Variants in DISP1 observed in about 807,000 individuals in gnomAD.
The protein encoded by DISP1 is dispatched RND transporter family member 1.
In DISP1, 30 loss-of-function variants were observed where a neutral mutation model predicts 37.3. The ratio of observed to expected loss-of-function variants is 0.80; its 90% CI spans 0.60 to 1.09. The LOEUF (loss-of-function observed/expected upper bound fraction) is 1.09. Ranked by LOEUF, DISP1 falls within the 50% of genes least tolerant of loss-of-function variation. The pLI is 0.00. For synonymous variants in DISP1, 634 were observed against 690.2 expected, an observed-to-expected ratio of 0.92 and a Z score of 1.28; for missense variants, 1,598 against 1,879.5, an observed-to-expected ratio of 0.85 and a Z score of 2.77.
chr1:222,891,333 A>C (rs138809997), intron 1 of DISP1, among the ~76,000 whole-genome samples: 1 of 152,334 alleles, frequency 6.6e-6, no homozygotes, highest in Non-Finnish European at 1.5e-5. Context: ...TTTCCTACCT[A>C]TAGCTGTGAT....
At position 222,902,072 on chromosome 1, in the gene DISP1, G is replaced by A. The variant is rs553303592; in HGVS notation, c.-158-26358G>A. On this transcript the variant is annotated intron_variant, in intron 1 of 8. Transcript: ENST00000675850. ...TTTCTTCTTTATTAGTCTTGCTAGC[G>A]GTCTATCAATTTTGTTGATCTTTTC... 1.7e-4 allele frequency among the ~76,000 whole-genome samples: 26 copies of A among 150,464 alleles called. No homozygotes were observed. In the South Asian group the frequency reaches 4.5e-3, roughly 26 times the overall value.
intron 1 of DISP1, among the ~76,000 whole-genome samples, chr1:222,826,506 G>A (rs1292639301): frequency 6.7e-6 from 1 of 149,054 alleles, no homozygotes; most frequent in Non-Finnish European, 1.5e-5. Flanking sequence ...TCAGCCTCCT[G>A]AGTAGCTGGG....
chr1:222,836,218 C>G (rs1666995556), intron 1 of DISP1, among the ~76,000 whole-genome samples: 1 of 152,144 alleles, frequency 6.6e-6, no homozygotes, highest in Non-Finnish European at 1.5e-5. Flanking sequence ...AGTAAGCGTG[C>G]TAGGTTTTAG....
intron 1 of DISP1, among the ~76,000 whole-genome samples, chr1:222,866,716 A>G (rs747091879): frequency 1.3e-5 from 2 of 152,180 alleles, no homozygotes; most frequent in South Asian, 4.1e-4. Context: ...AAATCCAGGT[A>G]TATTTTAATA....
intron 8 of DISP1, among the ~76,000 whole-genome samples, chr1:222,998,691 G>A (rs894006666): frequency 4.3e-4 from 66 of 152,038 alleles, no homozygotes; most frequent in African/African-American, 1.5e-3. Context: ...CTCTAATCTT[G>A]ACTCTGCTGG....
chr1:222,991,563 C>T lies in DISP1; in HGVS notation c.707C>T (p.Thr236Ile), dbSNP rs935748101. ...ACAGCAATAGGCCAGAGATTGGTCACATGGAATAATATGGTGAAAAATACA... is the reference window on the plus strand; with the variant it reads ...ACAGCAATAGGCCAGAGATTGGTCATATGGAATAATATGGTGAAAAATACA... ...RGTAIGQRLV[T>I]WNNMVKNTGY... Residue 236 changes from threonine to isoleucine, a missense_variant, in exon 6 of 9, where the codon ACA becomes ATA. Coordinates refer to ENST00000675850, the MANE Select transcript of DISP1 (RefSeq NM_001377229.1). 7.4e-6 allele frequency: 12 copies of T among 1,613,742 alleles called. No homozygotes were observed. Among genetic ancestry groups the T allele is most frequent in the South Asian group, 3.3e-5 (3 of 91,084 alleles).
At chr1:222,834,861 A>G (rs140746647) in intron 1 of DISP1, among the ~76,000 whole-genome samples, 1 of 152,214 alleles carries the variant, frequency 6.6e-6, no homozygotes, top group South Asian at 2.1e-4. Context: ...TTAAAGTAGA[A>G]TAATACTTAC....
At chr1:222,874,609 T>A (rs1669842075) in intron 1 of DISP1, among the ~76,000 whole-genome samples, 1 of 152,216 alleles carries the variant, frequency 6.6e-6, no homozygotes, top group African/African-American at 2.4e-5. Context: ...TTCAGCTCCA[T>A]CAGGTCCTTT....
intron 1 of DISP1, among the ~76,000 whole-genome samples, chr1:222,828,918 A>G (rs1415881675): frequency 6.6e-6 from 1 of 152,146 alleles, no homozygotes; most frequent in Non-Finnish European, 1.5e-5. Context: ...AAAAGTCCAC[A>G]TTGTCATTGT....
At chr1:222,888,857 G>T (rs1348934521) in intron 1 of DISP1, among the ~76,000 whole-genome samples, 1 of 151,842 alleles carries the variant, frequency 6.6e-6, no homozygotes, top group African/African-American at 2.4e-5. Context: ...GCTGTGAAGA[G>T]ATTTCTTAGT....
At chr1:222,965,534 A>C (rs1676416828) in intron 3 of DISP1, among the ~76,000 whole-genome samples, 1 of 152,122 alleles carries the variant, frequency 6.6e-6, no homozygotes, top group Non-Finnish European at 1.5e-5. Context: ...GTTCTATAGC[A>C]TGCAGTCTCT....
At chr1:222,917,361 C>T (rs1178644144) in intron 1 of DISP1, among the ~76,000 whole-genome samples, 1 of 152,048 alleles carries the variant, frequency 6.6e-6, no homozygotes, top group African/African-American at 2.4e-5. Context: ...CAGGGAGGGA[C>T]AGACAGGGAC....
At chr1:222,924,867 T>G (rs1030408778) in intron 1 of DISP1, among the ~76,000 whole-genome samples, 1 of 152,128 alleles carries the variant, frequency 6.6e-6, no homozygotes, top group African/African-American at 2.4e-5. Flanking sequence ...TTTTATCACT[T>G]TTCTAAAAGT....
intron 3 of DISP1, among the ~76,000 whole-genome samples, chr1:222,980,285 GT>G (rs1299077648): frequency 6.6e-6 from 1 of 152,054 alleles, no homozygotes; most frequent in African/African-American, 2.4e-5. Context: ...CAAACTAATG[GT>G]TCCTGCAGCA....
intron 3 of DISP1, among the ~76,000 whole-genome samples, chr1:222,953,602 A>T (rs1057236628): frequency 3.9e-4 from 59 of 152,170 alleles, no homozygotes; most frequent in Non-Finnish European, 7.9e-4. Context: ...TTGATCTTAG[A>T]AGAAGTCTGG....
At chr1:222,828,961 G>C (rs1665082338) in intron 1 of DISP1, among the ~76,000 whole-genome samples, 1 of 152,126 alleles carries the variant, frequency 6.6e-6, no homozygotes, top group Non-Finnish European at 1.5e-5. Context: ...TGAACATGTG[G>C]GCTGGGGGAT....
chr1:222,974,117 A>G (rs888892085), intron 3 of DISP1, among the ~76,000 whole-genome samples: 1 of 152,154 alleles, frequency 6.6e-6, no homozygotes, highest in Non-Finnish European at 1.5e-5. Context: ...TTTATGCTTT[A>G]CTCTAAATGA....
At chr1:222,887,486 G>GTTTTTTTTTTTTTTTTTTTTTTT (rs940346379) in intron 1 of DISP1, among the ~76,000 whole-genome samples, 2 of 83,114 alleles carry the variant, frequency 2.4e-5, no homozygotes, top group Non-Finnish European at 4.5e-5. Context: ...CATTGTTTTT[G>GTTTTTTTTTTTTTTTTTTTTTTT]TTTTTTTTTT....
intron 1 of DISP1, among the ~76,000 whole-genome samples, chr1:222,884,174 A>AT (rs111308189): frequency 2.4e-4 from 36 of 148,304 alleles, no homozygotes; most frequent in East Asian, 7.8e-4. Context: ...TGGCCCAGGG[A>AT]TTTTTTTTTT....
Sources: gnomAD v4.1 joint callset for allele counts (sites outside exome capture counted in the v4.1 genomes callset) on GRCh38, gnomAD v4.1.1 for gene constraint, MANE v1.5 for transcripts, NCBI Gene and HGNC (gene_info 2026-07-23, HGNC 2026-07-21) for gene names.